Variants in PTPRN2 observed in about 807,000 individuals in gnomAD.
The protein encoded by PTPRN2 is receptor-type tyrosine-protein phosphatase N2.
A neutral mutation model predicts 118.8 loss-of-function variants in PTPRN2; 74 were observed. The observed-to-expected ratio is 0.62, with a 90% CI of 0.52 to 0.76. The LOEUF (loss-of-function observed/expected upper bound fraction) is 0.76. Ranked by LOEUF, PTPRN2 falls within the 30% of genes least tolerant of loss-of-function variation. The pLI is 0.00. For missense variants in PTPRN2, 1,481 were observed against 1,394.4 expected (o/e 1.06, Z -0.99); for synonymous variants, 641 against 608.0 (o/e 1.05, Z -0.80).
intron 3 of PTPRN2, among the ~76,000 whole-genome samples, chr7:158,242,693 C>T (rs760364805): frequency 6.6e-6 from 1 of 152,182 alleles, no homozygotes; most frequent in Non-Finnish European, 1.5e-5. Flanking sequence ...CATTTTATTA[C>T]TGATTCAATC....
At chr7:158,194,135 G>A (rs1469788456) in intron 4 of PTPRN2, among the ~76,000 whole-genome samples, 1 of 151,626 alleles carries the variant, frequency 6.6e-6, no homozygotes. Flanking sequence ...GCGTGTGTGA[G>A]TTTGTGTAAG....
intron 11 of PTPRN2, among the ~76,000 whole-genome samples, chr7:157,907,996 C>T (rs1797873321): frequency 6.6e-6 from 1 of 152,260 alleles, no homozygotes; most frequent in South Asian, 2.1e-4. Context: ...GTGACCCCAG[C>T]CTGCCAGGAG....
Position 157,748,560 on chromosome 7 carries a change from C to T in PTPRN2, c.1789-65623G>A, listed in dbSNP as rs146760452. Among the ~76,000 whole-genome samples the T allele has an allele frequency of 8.1e-4, 94 of 116,670 alleles. 1 individual carries two copies. The highest frequency in any genetic ancestry group is 1.4e-3 in the East Asian group (5 of 3,506). The allele number at this position is 116,670 out of a possible 152,430, so 76.5% of individuals were successfully genotyped here. A position where few individuals can be genotyped will look rare whatever the true frequency, so the allele number is the denominator to read the frequency against. On this transcript the variant is annotated intron_variant, in intron 12 of 22. Transcript: ENST00000389418. ...GGTGTCCGGGTGATTCTGAGGCCTG[C>T]GTCCCTGAGCTCTGGGGTGTCTGGG...
At chr7:158,201,243 A>G (rs1826625072) in intron 4 of PTPRN2, among the ~76,000 whole-genome samples, 1 of 152,156 alleles carries the variant, frequency 6.6e-6, no homozygotes, top group African/African-American at 2.4e-5. Context: ...ATATAACTAC[A>G]CAAGTGCTGA....
intron 14 of PTPRN2, among the ~76,000 whole-genome samples, chr7:157,653,348 G>A (rs968541692): frequency 2.0e-5 from 3 of 152,216 alleles, no homozygotes; most frequent in African/African-American, 7.2e-5. Context: ...CCGGTTGGGT[G>A]TCTGGCGGAA....
At chr7:158,436,926 A>G (rs1164482469) in intron 2 of PTPRN2, among the ~76,000 whole-genome samples, 2 of 152,184 alleles carry the variant, frequency 1.3e-5, no homozygotes, top group East Asian at 3.8e-4. Flanking sequence ...AAAACTGCCA[A>G]TATTCAACTG....
At chr7:157,757,220 G>A (rs1801840020) in intron 12 of PTPRN2, among the ~76,000 whole-genome samples, 1 of 150,174 alleles carries the variant, frequency 6.7e-6, no homozygotes, top group Non-Finnish European at 1.5e-5. Context: ...ACCCACAGCA[G>A]AATTGGCCAT....
rs1824759811 is a variant in PTPRN2, at chr7:158,526,069, CT to C, written c.113-36285del. On this transcript the variant is annotated intron_variant, in intron 1 of 22. Transcript: ENST00000389418. The surrounding 1 kb of genome is among the most constrained non-coding windows in gnomAD (Gnocchi z 5.2). ...TGCAGTCCTTCCTTCCTCAGCAGCG[CT>C]GTGTGGGAAGGGGGACTATCTGCCC... is the stretch of plus-strand genomic sequence containing the variant. Among the ~76,000 whole-genome samples the C allele has an allele frequency of 6.6e-6, 1 of 152,212 alleles. No individual in the cohort carries two copies.
intron 9 of PTPRN2, among the ~76,000 whole-genome samples, chr7:158,132,061 C>T (rs376702326): frequency 1.6e-4 from 24 of 150,006 alleles, no homozygotes; most frequent in African/African-American, 4.7e-4. Context: ...ATGCACAAAC[C>T]GATACACATC....
chr7:157,668,497 C>T (rs1796249282), intron 13 of PTPRN2, among the ~76,000 whole-genome samples: 1 of 152,192 alleles, frequency 6.6e-6, no homozygotes, highest in Admixed American at 6.5e-5. Context: ...CAGGACAACA[C>T]TAAGGAATTA....
intron 12 of PTPRN2, among the ~76,000 whole-genome samples, chr7:157,726,649 T>A (rs1269410640): frequency 6.6e-6 from 1 of 152,170 alleles, no homozygotes; most frequent in East Asian, 1.9e-4. Context: ...AAAAAATAGA[T>A]AAATTGGGTT....
intron 2 of PTPRN2, among the ~76,000 whole-genome samples, chr7:158,441,748 GATA>G (rs1817291404): frequency 1.3e-5 from 2 of 149,042 alleles, no homozygotes; most frequent in African/African-American, 2.5e-5. Flanking sequence ...CAGTGGTGGT[GATA>G]GTGATAGTGA....
intron 5 of PTPRN2, among the ~76,000 whole-genome samples, chr7:158,181,794 T>G (rs1403203683): frequency 6.6e-6 from 1 of 152,230 alleles, no homozygotes; most frequent in African/African-American, 2.4e-5. Flanking sequence ...TGAGCTTATT[T>G]TAATCTTCAC....
At chr7:157,709,931 G>A (rs1404599185) in intron 12 of PTPRN2, among the ~76,000 whole-genome samples, 1 of 152,212 alleles carries the variant, frequency 6.6e-6, no homozygotes, top group Non-Finnish European at 1.5e-5. Flanking sequence ...CTTACAACGT[G>A]AGCCTGAAGG....
At chr7:158,452,561 G>T (rs1315403848) in intron 2 of PTPRN2, among the ~76,000 whole-genome samples, 1 of 152,110 alleles carries the variant, frequency 6.6e-6, no homozygotes, top group Non-Finnish European at 1.5e-5. Flanking sequence ...CCACCCCACC[G>T]ATTTCCCCTC....
chr7:158,252,413 C>A (rs1796745506), intron 3 of PTPRN2, among the ~76,000 whole-genome samples: 1 of 152,166 alleles, frequency 6.6e-6, no homozygotes, highest in Non-Finnish European at 1.5e-5. Flanking sequence ...GGGAATGGAG[C>A]CTTTCTAGGC....
At position 157,763,005 on chromosome 7, in the gene PTPRN2, C is replaced by T. The variant is rs1233440834; in HGVS notation, c.1789-80068G>A. 6.6e-6 allele frequency among the ~76,000 whole-genome samples: 1 copy of T among 152,202 alleles called. No individual in the cohort carries two copies. Among genetic ancestry groups the T allele is most frequent in the Non-Finnish European group, 1.5e-5 (1 of 68,042 alleles). Reference sequence around the variant, plus strand: ...ACGGTCGGTCACAGGGCTAACCCTCCATCAGAGCCCACAGCCGCCCACTCA... The same window carrying T: ...ACGGTCGGTCACAGGGCTAACCCTCTATCAGAGCCCACAGCCGCCCACTCA... On this transcript the variant is annotated intron_variant, in intron 12 of 22. Transcript: ENST00000389418. This position sits in a 1 kb window ranked among gnomAD's most constrained non-coding sequence, Gnocchi z 4.9.
chr7:157,809,370 G>A (rs1464023134), intron 12 of PTPRN2, among the ~76,000 whole-genome samples: 2 of 151,972 alleles, frequency 1.3e-5, no homozygotes, highest in African/African-American at 4.8e-5. Context: ...GGCCCTGGAG[G>A]GGGCTCAGCC....
chr7:158,318,290 G>T (rs1215697762), intron 2 of PTPRN2, among the ~76,000 whole-genome samples: 1 of 152,254 alleles, frequency 6.6e-6, no homozygotes, highest in South Asian at 2.1e-4. Flanking sequence ...AAGGGGCAAA[G>T]AGGGAAAATA....
Sources: gnomAD v4.1 joint callset for allele counts (sites outside exome capture counted in the v4.1 genomes callset) on GRCh38, gnomAD v4.1.1 for gene constraint, Gnocchi (gnomAD v3.1) non-coding constraint, MANE v1.5 for transcripts, NCBI Gene and HGNC (gene_info 2026-07-23, HGNC 2026-07-21) for gene names.